ABCA4: variants seen among roughly 807,000 people sequenced by gnomAD.
ABCA4 encodes the protein retinal-specific phospholipid-transporting ATPase ABCA4.
Under a neutral mutation model 263.7 loss-of-function variants are expected in ABCA4, and 196 were observed. The observed-to-expected ratio is 0.74, with a 90% CI of 0.66 to 0.84. The LOEUF (loss-of-function observed/expected upper bound fraction) is 0.84, where lower values mean the gene tolerates loss of function less well. Ranked by LOEUF, ABCA4 falls within the 40% of genes least tolerant of loss-of-function variation. The pLI is 0.00. For synonymous variants in ABCA4, 1,133 were observed against 1,094.2 expected (o/e 1.04, Z -0.70); for missense variants, 2,792 against 2,855.1 (o/e 0.98, Z 0.50).
At chr1:94,062,153 C>T (rs1245463172) in intron 13 of ABCA4, among the ~76,000 whole-genome samples, 1 of 152,144 alleles carries the variant, frequency 6.6e-6, no homozygotes, top group East Asian at 1.9e-4. Context: ...GAAGGGGCTG[C>T]ATTATTCCAG....
At chr1:94,052,761 A>G (rs999477614) in intron 16 of ABCA4, among the ~76,000 whole-genome samples, 2 of 152,320 alleles carry the variant, frequency 1.3e-5, no homozygotes, top group South Asian at 4.1e-4. Flanking sequence ...ATAACACAAA[A>G]TATACTTGGT....
At chr1:94,041,530 G>T (rs1394750000) in intron 22 of ABCA4, 128 bp from the exon 23 acceptor site, 21 of 960,322 alleles carry the variant, frequency 2.2e-5, no homozygotes, top group Non-Finnish European at 3.3e-5. Context: ...AAAAACCCAA[G>T]GGAACTAATT....
chr1:94,118,120 C>A (rs958265204), intron 1 of ABCA4, among the ~76,000 whole-genome samples: 4 of 152,242 alleles, frequency 2.6e-5, no homozygotes, highest in Non-Finnish European at 4.4e-5. Context: ...CCAACCCCAC[C>A]AGTTACTAAT....
chr1:93,996,990 G>C (rs1178116195), intron 48 of ABCA4, among the ~76,000 whole-genome samples: 1 of 152,176 alleles, frequency 6.6e-6, no homozygotes, highest in Non-Finnish European at 1.5e-5. Context: ...GGGCGAGGGG[G>C]GCAGTAAGTG....
At chr1:94,060,330 G>A (rs144394404) in intron 14 of ABCA4, among the ~76,000 whole-genome samples, 184 of 152,330 alleles carry the variant, frequency 1.2e-3, no homozygotes, top group Admixed American at 3.2e-3. Flanking sequence ...CAGGAAGTGG[G>A]AGATGGGAGG....
Position 94,085,824 on chromosome 1 carries a change from C to T in ABCA4, c.769-2383G>A, listed in dbSNP as rs568250866. On this transcript the variant is annotated intron_variant, in intron 6 of 49. Coordinates refer to ENST00000370225, the MANE Select transcript of ABCA4 (RefSeq NM_000350.3). Reference sequence around the variant, plus strand: ...CCTGCCCCTAGCTCTGCTCTCTATTCCCCCCCATTCCTTCTTTGCCTGGCA... The same window carrying T: ...CCTGCCCCTAGCTCTGCTCTCTATTTCCCCCCATTCCTTCTTTGCCTGGCA... Among the ~76,000 whole-genome samples the T allele has an allele frequency of 2.6e-5, 4 of 152,176 alleles. 1 individual carries two copies. The highest frequency in any genetic ancestry group is 7.2e-5 in the African/African-American group (3 of 41,500).
chr1:94,067,628 G>A (rs1414280359), intron 11 of ABCA4, among the ~76,000 whole-genome samples: 1 of 152,190 alleles, frequency 6.6e-6, no homozygotes, highest in African/African-American at 2.4e-5. Flanking sequence ...TGTGGCTTCT[G>A]TTTCCCTACC....
intron 18 of ABCA4, 60 bp from the exon 19 acceptor site, chr1:94,047,153 C>T: frequency 6.3e-7 from 1 of 1,590,692 alleles, no homozygotes; most frequent in Non-Finnish European, 8.6e-7. Context: ...GGCCCCAGGG[C>T]TCTGTCTCCA....
Position 94,017,003 on chromosome 1 carries a change from C to T in ABCA4, c.5197-1149G>A, listed in dbSNP as rs117626668. Among the ~76,000 whole-genome samples the T allele has an allele frequency of 3.0e-3, 458 of 152,240 alleles. 13 individuals are homozygous for T. The East Asian group carries it at 0.076, about 25-fold the overall frequency. On this transcript the variant is annotated intron_variant, in intron 36 of 49. Coordinates refer to ENST00000370225, the MANE Select transcript of ABCA4 (RefSeq NM_000350.3). ...AAGACGATACAGAAGCCAGCTTCAA[C>T]GGCCCCCCACTGACCACAGTGGGGA... is the stretch of plus-strand genomic sequence containing the variant.
At position 94,062,573 on chromosome 1, in the gene ABCA4, T is replaced by TCACGAATCGTC; in HGVS notation, c.1930_1937+3dup. The TCACGAATCGTC allele has an allele frequency of 6.6e-7, 1 of 1,522,346 alleles. No homozygotes were observed. The highest frequency in any genetic ancestry group is 8.9e-7 in the Non-Finnish European group (1 of 1,121,808). The allele number at this position is 1,522,346 out of a possible 1,614,324, so 94.3% of individuals were successfully genotyped here. A position where few individuals can be genotyped will look rare whatever the true frequency, so the allele number is the denominator to read the frequency against. On this transcript the variant is annotated splice_donor_region_variant and intron_variant, in intron 13 of 49. Coordinates refer to ENST00000370225, the MANE Select transcript of ABCA4 (RefSeq NM_000350.3). ...TGGAGGAGGATCGCGAACTTCAGAC[T>TCACGAATCGTC]CACGAATCGTCCACGAAGCAGGGGT...
At chr1:94,043,303 T>C (rs1660570657) in intron 21 of ABCA4, 33 bp downstream of exon 21, 2 of 1,613,826 alleles carry the variant, frequency 1.2e-6, no homozygotes, top group Non-Finnish European at 1.7e-6. Context: ...GGATTTGCCA[T>C]CTGTGGCCCT....
intron 26 of ABCA4, among the ~76,000 whole-genome samples, chr1:94,034,673 A>G (rs1459799000): frequency 6.6e-6 from 1 of 151,130 alleles, no homozygotes; most frequent in Non-Finnish European, 1.5e-5. Flanking sequence ...AAGACCAGAG[A>G]GTGAGACCCA....
At chr1:94,004,565 C>T (rs1030534168) in intron 44 of ABCA4, among the ~76,000 whole-genome samples, 2 of 152,076 alleles carry the variant, frequency 1.3e-5, no homozygotes, top group African/African-American at 4.8e-5. Context: ...GCTCTATCCC[C>T]CTTTTGCAAG....
intron 30 of ABCA4, among the ~76,000 whole-genome samples, chr1:94,029,159 G>A (rs191221513): frequency 4.2e-4 from 64 of 152,094 alleles, no homozygotes; most frequent in Non-Finnish European, 6.6e-4. Flanking sequence ...TCTATAATGA[G>A]CACATATGAC....
At position 94,111,487 on chromosome 1, in the gene ABCA4, G is replaced by A. The variant is rs1662602042; in HGVS notation, c.253C>T (p.Pro85Ser). The A allele has an allele frequency of 6.2e-7, 1 of 1,614,178 alleles. No individual in the cohort carries two copies. Among genetic ancestry groups the A allele is most frequent in the Admixed American group, 1.7e-5 (1 of 60,030 alleles). The change falls in exon 3 of 50, where the codon CCC becomes TCC. Residue 85 changes from proline to serine, a missense_variant. Pro to Ser is a moderately conservative substitution (Grantham distance 74). Transcript: ENST00000370225. ...CNVNNPCFQSPTPGESPGIVS... is the reference protein window; with the variant it reads ...CNVNNPCFQSSTPGESPGIVS... ...ATTCCAGGAGATTCTCCTGGGGTGG[G>A]GCTTTGAAAACAGGGATTGTTCACA...
chr1:94,007,628 A>G lies in ABCA4; in HGVS notation c.6005+6T>C, dbSNP rs748441644. On this transcript the variant is annotated splice_donor_region_variant and intron_variant, in intron 43 of 49. Coordinates refer to ENST00000370225, the MANE Select transcript of ABCA4 (RefSeq NM_000350.3). ...CTCCCTGAGACAGGAGGAGCAGGAT[A>G]CTCACCTCTTGCCTGCTACGGTGGC... 6.2e-7 allele frequency: 1 copy of G among 1,608,086 alleles called. No individual in the cohort carries two copies. Among genetic ancestry groups the G allele is most frequent in the African/African-American group, 1.3e-5 (1 of 74,768 alleles).
At chr1:94,020,199 C>T (rs947726154) in intron 35 of ABCA4, among the ~76,000 whole-genome samples, 7 of 152,124 alleles carry the variant, frequency 4.6e-5, no homozygotes, top group South Asian at 2.1e-4. Flanking sequence ...AGAAGTACAT[C>T]GTAACACAAG....
chr1:94,090,602 G>T (rs1661944401), intron 6 of ABCA4, among the ~76,000 whole-genome samples: 1 of 152,096 alleles, frequency 6.6e-6, no homozygotes, highest in Non-Finnish European at 1.5e-5. Context: ...CTAGGGATTA[G>T]GTGCCCCTCC....
At chr1:94,037,077 T>C in intron 25 of ABCA4, 68 bp downstream of exon 25, 3 of 1,527,772 alleles carry the variant, frequency 2.0e-6, no homozygotes, top group South Asian at 2.2e-5. Context: ...TTTGCTCTAA[T>C]GTTAGACTTT....
Sources: gnomAD v4.1 joint callset for allele counts (sites outside exome capture counted in the v4.1 genomes callset) on GRCh38, gnomAD v4.1.1 for gene constraint, MANE v1.5 for transcripts, NCBI Gene and HGNC (gene_info 2026-07-23, HGNC 2026-07-21) for gene names.